The following FADS1 variants were observed in gnomAD, a reference collection of about 807,000 sequenced individuals.
FADS1 encodes acyl-CoA (8-3)-desaturase.
FADS1 carries 17 observed loss-of-function variants against 61.6 expected under a neutral mutation model. The ratio of observed to expected loss-of-function variants is 0.28; its 90% CI spans 0.19 to 0.41. The LOEUF is 0.41. Among genes scored for constraint, FADS1 ranks in the 10% least tolerant of loss-of-function variants. FADS1 has a pLI of 1.00. For synonymous variants in FADS1, 238 were observed against 258.7 expected (o/e 0.92, Z 0.77); for missense variants, 387 against 650.9 (o/e 0.59, Z 4.41).
chr11:61,806,985 C>T (rs1337253554), intron 5 of FADS1, among the ~76,000 whole-genome samples: 2 of 152,250 alleles, frequency 1.3e-5, no homozygotes, highest in Non-Finnish European at 1.5e-5. Flanking sequence ...ACAGAGTCTA[C>T]AGGACCACAG....
chr11:61,807,068 CTT>C (rs1194579580), intron 5 of FADS1, among the ~76,000 whole-genome samples: 6 of 152,142 alleles, frequency 3.9e-5, no homozygotes, highest in Non-Finnish European at 7.3e-5. Context: ...TCCCATCGTA[CTT>C]TTTTGTTTAT....
intron 3 of FADS1, chr11:61,811,676 G>A (rs770904037): frequency 1.1e-5 from 3 of 269,236 alleles, no homozygotes; most frequent in South Asian, 6.1e-5. Context: ...TGCAACCTTC[G>A]CTTCCCAGGT....
chr11:61,804,334 T>G, intron 7 of FADS1: 1 of 261,482 alleles, frequency 3.8e-6, no homozygotes, highest in Non-Finnish European at 7.2e-6. Flanking sequence ...ACCTATTGCC[T>G]GTACCTCTTT....
At chr11:61,811,576 G>A (rs1014285616) in intron 3 of FADS1, among the ~76,000 whole-genome samples, 1 of 149,982 alleles carries the variant, frequency 6.7e-6, no homozygotes, top group African/African-American at 2.5e-5. Context: ...AAACTGCTGG[G>A]ATAACAGGCG....
Position 61,816,341 on chromosome 11 carries a change from TC to T in FADS1, c.375+213del. The T allele has an allele frequency of 6.3e-7, 1 of 1,598,222 alleles. No homozygotes were observed. The highest frequency in any genetic ancestry group is 8.5e-7 in the Non-Finnish European group (1 of 1,179,752). On this transcript the variant is annotated intron_variant, in intron 1 of 11. Transcript: ENST00000350997. This position sits in a 1 kb window ranked among gnomAD's most constrained non-coding sequence, Gnocchi z 7.0. ...TGTGTGTGCGTGTTGTTGGCCTCCA[TC>T]CCCACTCCCCAGACTCCACTTCTCC...
Position 61,816,611 on chromosome 11 carries a change from G to A in FADS1, c.319C>T (p.Arg107Cys), listed in dbSNP as rs2066986471. Residue 107 changes from arginine (R) to cysteine (C), a missense_variant, in exon 1 of 12, where the codon CGC (arginine) becomes TGC (cysteine). Arg to Cys is a radical substitution (Grantham distance 180, BLOSUM62 -3). Around this residue, in one of 2 missense-constraint regions of FADS1, gnomAD observed 257 missense variants for 533.3 expected, o/e 0.48. Transcript: ENST00000350997. This position sits in a 1 kb window ranked among gnomAD's most constrained non-coding sequence, Gnocchi z 7.0. ...RKVYNISEFT[R>C]RHPGGSRVIS... ...ACCCGGGAGCCCCCTGGATGCCGGCGGGTGAACTCGCTGATGTTGTACACC... is the reference window on the plus strand; with the variant it reads ...ACCCGGGAGCCCCCTGGATGCCGGCAGGTGAACTCGCTGATGTTGTACACC... 2 of 1,605,172 alleles carry A rather than the reference G, an allele frequency of 1.2e-6. No individual in the cohort carries two copies. Among genetic ancestry groups the A allele is most frequent in the African/African-American group, 1.3e-5 (1 of 74,814 alleles).
At chr11:61,805,279 A>C (rs2066885337) in intron 6 of FADS1, 1 of 158,090 alleles carries the variant, frequency 6.3e-6, no homozygotes, top group African/African-American at 2.4e-5. Flanking sequence ...GACCCTGTGG[A>C]TCCTTCACAG....
chr11:61,803,312 C>G lies in FADS1; in HGVS notation c.1248+51G>C. The G allele has an allele frequency of 6.7e-7, 1 of 1,486,810 alleles. No homozygotes were observed. The allele number at this position is 1,486,810 out of a possible 1,614,324, so 92.1% of individuals were successfully genotyped here. The stretch of plus-strand genomic sequence containing the variant: ...GTTTTTGCTGTTTTCACCTACGCAT[C>G]CTTTTCAATAGTTGTGTTATGCTCC... On this transcript the variant is annotated intron_variant, in intron 9 of 11. Transcript: ENST00000350997. The surrounding 1 kb of genome is among the most constrained non-coding windows in gnomAD (Gnocchi z 4.3).
chr11:61,805,587 T>G (rs1396037129), intron 6 of FADS1: 3 of 152,258 alleles, frequency 2.0e-5, no homozygotes, highest in African/African-American at 7.2e-5. Flanking sequence ...TTCTGCCCCA[T>G]CGCCTTTCTC....
At chr11:61,808,860 C>T (rs974454453) in intron 5 of FADS1, among the ~76,000 whole-genome samples, 9 of 152,208 alleles carry the variant, frequency 5.9e-5, no homozygotes, top group African/African-American at 7.2e-5. Flanking sequence ...TCGCTCCAGC[C>T]GCCTCACTGA....
intron 3 of FADS1, among the ~76,000 whole-genome samples, chr11:61,811,620 C>T (rs563926610): frequency 2.2e-5 from 3 of 138,656 alleles, no homozygotes; most frequent in South Asian, 2.3e-4. Flanking sequence ...TTGAGAGTGT[C>T]GCTCTGTTGC....
intron 6 of FADS1, chr11:61,806,303 C>T (rs1591151116): frequency 5.3e-6 from 1 of 187,816 alleles, no homozygotes; most frequent in Admixed American, 5.5e-5. Context: ...GATTGCGCCA[C>T]TGCAGTCCGC....
rs2066860856 is a variant in FADS1 at position 61,802,305 on chromosome 11, A to C, written c.*106T>G. On this transcript the variant is annotated 3_prime_UTR_variant, in exon 12 of 12. Transcript: ENST00000350997. The surrounding 1 kb of genome is among the most constrained non-coding windows in gnomAD (Gnocchi z 4.2). Reference sequence around the variant, plus strand: ...CAGAGGCTTTATGTCCCCAAACCCAACCCCCTCTGAGTATTAAACTATAGT... The same window carrying C: ...CAGAGGCTTTATGTCCCCAAACCCACCCCCCTCTGAGTATTAAACTATAGT... 2 of 1,027,982 alleles carry C rather than the reference A, an allele frequency of 1.9e-6. No individual in the cohort carries two copies. Among genetic ancestry groups the C allele is most frequent in the Non-Finnish European group, 3.0e-6 (2 of 675,862 alleles). 63.7% of individuals were successfully genotyped at this position (1,027,982 alleles called of 1,614,324 possible).
Position 61,802,733 on chromosome 11 carries a change from T to C in FADS1, c.1454+68A>G. On this transcript the variant is annotated intron_variant, in intron 11 of 11. Coordinates refer to ENST00000350997, the MANE Select transcript of FADS1 (RefSeq NM_013402.7). This position sits in a 1 kb window ranked among gnomAD's most constrained non-coding sequence, Gnocchi z 4.2. ...CCTTCTGTTCACTCCCCACCCTACA[T>C]GTCATCATTTCCATTGCCCTGCCCT... 1 of 1,601,580 alleles carries C rather than the reference T, an allele frequency of 6.2e-7. No homozygotes were observed. Among genetic ancestry groups the C allele is most frequent in the South Asian group, 1.1e-5 (1 of 90,242 alleles).
At chr11:61,809,590 G>A (rs944085443) in intron 5 of FADS1, among the ~76,000 whole-genome samples, 1 of 152,176 alleles carries the variant, frequency 6.6e-6, no homozygotes, top group African/African-American at 2.4e-5. Context: ...GTGTGAGACT[G>A]TTCCCTTCCA....
At chr11:61,810,170 C>T (rs759252621) in intron 5 of FADS1, among the ~76,000 whole-genome samples, 3 of 152,196 alleles carry the variant, frequency 2.0e-5, no homozygotes, top group Non-Finnish European at 4.4e-5. Flanking sequence ...CCTTCAGCAG[C>T]TACATTATTT....
Position 61,802,373 on chromosome 11 carries a change from T to C in FADS1, c.*38A>G, listed in dbSNP as rs760497860. ...TCCCCTCTGCCTTGGCTCCAGAGTC[T>C]TCCTCCTCTTCTTCCAGACTGGGCA... On this transcript the variant is annotated 3_prime_UTR_variant, in exon 12 of 12. Coordinates refer to ENST00000350997, the MANE Select transcript of FADS1 (RefSeq NM_013402.7). The surrounding 1 kb of genome is among the most constrained non-coding windows in gnomAD (Gnocchi z 4.2). The C allele has an allele frequency of 9.1e-6, 14 of 1,542,920 alleles. No homozygotes were observed. In the African/African-American group the frequency reaches 1.8e-4, roughly 20 times the overall value.
chr11:61,812,709 A>AC (rs2066940542), intron 2 of FADS1, 41 bp from the exon 3 acceptor site: 1 of 1,567,224 alleles, frequency 6.4e-7, no homozygotes, highest in African/African-American at 1.4e-5. Context: ...TCTCATCTGC[A>AC]CCCCAATGCT....
chr11:61,805,022 GACAGGTGCTTGGGAACTCAGGCCCC>G (rs2066883664), intron 6 of FADS1: 1 of 549,680 alleles, frequency 1.8e-6, no homozygotes, highest in African/African-American at 1.9e-5. Flanking sequence ...ACTCTTCAGT[GACAGGTGCTTGGGAACTCAGGCCCC>G]ACGCATGGGA....
Sources: allele counts gnomAD v4.1 joint callset (sites outside exome capture counted in the v4.1 genomes callset), GRCh38; gene constraint gnomAD v4.1.1; regional missense constraint gnomAD v4.1.1; non-coding constraint Gnocchi (gnomAD v3.1); transcripts MANE v1.5; gene names NCBI Gene and HGNC (gene_info 2026-07-23, HGNC 2026-07-21).